The following KCNIP3 variants were observed in gnomAD, a reference collection of about 807,000 sequenced individuals.
The protein encoded by KCNIP3 is calsenilin.
A neutral mutation model predicts 35.0 loss-of-function variants in KCNIP3; 28 were observed. The ratio of observed to expected loss-of-function variants is 0.80; its 90% CI spans 0.59 to 1.10. The LOEUF is 1.10. Among genes scored for constraint, KCNIP3 ranks in the 50% least tolerant of loss-of-function variants. The pLI is 0.00. For missense variants in KCNIP3, 295 were observed against 338.4 expected, an observed-to-expected ratio of 0.87 and a Z score of 1.01; for synonymous variants, 134 against 133.8, an observed-to-expected ratio of 1.00 and a Z score of -0.01.
chr2:95,311,647 G>C (rs957421617), intron 2 of KCNIP3: 1 of 152,204 alleles, frequency 6.6e-6, no homozygotes, highest in Non-Finnish European at 1.5e-5. Flanking sequence ...TGGCTGCTAC[G>C]CACCAGATCC....
At chr2:95,331,673 T>C (rs1480905108) in intron 2 of KCNIP3, among the ~76,000 whole-genome samples, 2 of 152,152 alleles carry the variant, frequency 1.3e-5, no homozygotes, top group African/African-American at 4.8e-5. Context: ...AAGACACCTA[T>C]CCACATTCCA....
chr2:95,308,687 G>A (rs979843703), intron 1 of KCNIP3, among the ~76,000 whole-genome samples: 7 of 152,188 alleles, frequency 4.6e-5, no homozygotes, highest in Non-Finnish European at 7.3e-5. Flanking sequence ...GGTGTCCGGC[G>A]CTGCTCTCTG....
intron 2 of KCNIP3, among the ~76,000 whole-genome samples, chr2:95,360,168 G>A (rs1679756452): frequency 6.7e-6 from 1 of 148,304 alleles, no homozygotes; most frequent in African/African-American, 2.5e-5. Flanking sequence ...TCCAGTCTGG[G>A]CAACAGTGTG....
Position 95,378,596 on chromosome 2 carries a change from A to AT in KCNIP3, c.448-2998dup, listed in dbSNP as rs1680261009. Among the ~76,000 whole-genome samples, 1 of 149,430 alleles carries AT rather than the reference A, an allele frequency of 6.7e-6. No individual in the cohort carries two copies. The highest frequency in any genetic ancestry group is 2.1e-4 in the South Asian group (1 of 4,754). ...CTAAAAATACAAAAAAAAAAAAAAAATTAGCTGGGCATGGTGGCGGGTGCC... is the reference window on the plus strand; with the variant it reads ...CTAAAAATACAAAAAAAAAAAAAAAATTTAGCTGGGCATGGTGGCGGGTGCC... On this transcript the variant is annotated intron_variant, in intron 5 of 8. Transcript: ENST00000295225. This position sits in a 1 kb window ranked among gnomAD's most constrained non-coding sequence, Gnocchi z 4.0.
At chr2:95,332,735 T>C (rs1039895274) in intron 2 of KCNIP3, among the ~76,000 whole-genome samples, 3 of 152,202 alleles carry the variant, frequency 2.0e-5, no homozygotes, top group Admixed American at 2.0e-4. Flanking sequence ...TCTCAGAACC[T>C]TTACTATACA....
Position 95,382,424 on chromosome 2 carries a change from C to T in KCNIP3, c.603C>T (p.His201=). Residue 201 remains histidine, a synonymous_variant, in exon 7 of 9, where the codon CAC becomes CAT. Transcript: ENST00000295225. The surrounding 1 kb of genome is among the most constrained non-coding windows in gnomAD (Gnocchi z 4.5). The stretch of plus-strand genomic sequence containing the variant: ...CCATCTATGACATGATGGGCCGCCA[C>T]ACCTACCCCATCCTGCGGGAGGACG... ...MKSIYDMMGR[H]TYPILREDAP... is the part of the protein sequence containing the mutation. The T allele has an allele frequency of 6.2e-7, 1 of 1,609,986 alleles. No individual in the cohort carries two copies. The highest frequency in any genetic ancestry group is 8.5e-7 in the Non-Finnish European group (1 of 1,178,430).
At chr2:95,371,221 A>G (rs1680034307) in intron 2 of KCNIP3, among the ~76,000 whole-genome samples, 1 of 152,240 alleles carries the variant, frequency 6.6e-6, no homozygotes, top group African/African-American at 2.4e-5. Flanking sequence ...AGGAATTGAA[A>G]GCAATAAATT....
At chr2:95,325,717 A>C (rs965662391) in intron 2 of KCNIP3, among the ~76,000 whole-genome samples, 6 of 151,812 alleles carry the variant, frequency 4.0e-5, no homozygotes, top group Non-Finnish European at 7.4e-5. Context: ...ACACAGTCAT[A>C]CACTTATACA....
At chr2:95,338,294 G>A (rs1679111181) in intron 2 of KCNIP3, among the ~76,000 whole-genome samples, 1 of 152,176 alleles carries the variant, frequency 6.6e-6, no homozygotes, top group South Asian at 2.1e-4. Flanking sequence ...TCGTGAAATA[G>A]AACACCTAAT....
At chr2:95,302,905 A>G (rs1256100809) in intron 1 of KCNIP3, 1 of 152,706 alleles carries the variant, frequency 6.5e-6, no homozygotes, top group Non-Finnish European at 1.5e-5. Context: ...TGCATCCGTT[A>G]AGTCTGTAGA....
intron 5 of KCNIP3, among the ~76,000 whole-genome samples, chr2:95,379,220 A>C (rs941045913): frequency 7.9e-5 from 12 of 152,158 alleles, no homozygotes; most frequent in African/African-American, 2.9e-4. Flanking sequence ...AGGTTGGATA[A>C]GGCCTTGGTT....
chr2:95,338,644 A>C (rs942659206), intron 2 of KCNIP3, among the ~76,000 whole-genome samples: 3 of 152,182 alleles, frequency 2.0e-5, no homozygotes, highest in Non-Finnish European at 2.9e-5. Flanking sequence ...CCCCCAATGA[A>C]ATTAGACTTG....
intron 5 of KCNIP3, among the ~76,000 whole-genome samples, chr2:95,375,412 G>A (rs952921206): frequency 3.9e-5 from 6 of 151,986 alleles, no homozygotes; most frequent in Non-Finnish European, 8.8e-5. Context: ...CCGGCACCAC[G>A]TTCTCAGCCT....
intron 2 of KCNIP3, among the ~76,000 whole-genome samples, chr2:95,322,343 C>A (rs1200700143): frequency 6.6e-6 from 1 of 152,090 alleles, no homozygotes; most frequent in Non-Finnish European, 1.5e-5. Context: ...GCCTGGGTAA[C>A]AGAGTGAGAT....
intron 1 of KCNIP3, among the ~76,000 whole-genome samples, chr2:95,309,763 C>T (rs959851868): frequency 3.3e-5 from 5 of 152,198 alleles, no homozygotes; most frequent in African/African-American, 1.2e-4. Flanking sequence ...ACTCACTCCT[C>T]CCAAGACTCT....
chr2:95,310,015 T>C (rs992632490), intron 1 of KCNIP3, among the ~76,000 whole-genome samples: 4 of 152,202 alleles, frequency 2.6e-5, no homozygotes, highest in African/African-American at 9.6e-5. Flanking sequence ...GGGATCGTGA[T>C]TTCTAAGGGG....
intron 2 of KCNIP3, among the ~76,000 whole-genome samples, chr2:95,325,625 A>T (rs1249546405): frequency 2.0e-5 from 3 of 151,236 alleles, no homozygotes; most frequent in Admixed American, 6.6e-5. Context: ...ACACACACAC[A>T]CTCACACACA....
At position 95,301,622 on chromosome 2, in the gene KCNIP3, C is replaced by T. The variant is rs139772075; in HGVS notation, c.15+4169C>T. On this transcript the variant is annotated intron_variant, in intron 1 of 8. Transcript: ENST00000295225. ...CCCCTGGCACAGAGTGAGGCCTCCA[C>T]ACATGAAGGGAATACCTATGCCATC... Among the ~76,000 whole-genome samples the T allele has an allele frequency of 2.5e-3, 388 of 152,346 alleles. 1 individual carries two copies. The highest frequency in any genetic ancestry group is 8.6e-3 in the African/African-American group (357 of 41,578).
intron 1 of KCNIP3, among the ~76,000 whole-genome samples, chr2:95,299,941 A>G (rs1677980400): frequency 6.6e-6 from 1 of 152,190 alleles, no homozygotes; most frequent in Non-Finnish European, 1.5e-5. Flanking sequence ...GCAGCCCACA[A>G]GGCAGCTGTT....
Sources: allele counts gnomAD v4.1 joint callset (sites outside exome capture counted in the v4.1 genomes callset), GRCh38; gene constraint gnomAD v4.1.1; non-coding constraint Gnocchi (gnomAD v3.1); transcripts MANE v1.5; gene names NCBI Gene and HGNC (gene_info 2026-07-23, HGNC 2026-07-21).